USP25: variants seen among roughly 807,000 people sequenced by gnomAD.
The protein encoded by USP25 is ubiquitin carboxyl-terminal hydrolase 25.
Under a neutral mutation model 158.5 loss-of-function variants are expected in USP25, and 85 were observed. That is an observed-to-expected ratio of 0.54 (90% CI 0.45 to 0.64). USP25 has a LOEUF of 0.64. Among genes scored for constraint, USP25 ranks in the 30% least tolerant of loss-of-function variants. The probability of loss-of-function intolerance (pLI) is 0.00; values close to 1 mark genes in which losing one functional copy is unlikely to be tolerated. For missense variants in USP25, 1,242 were observed against 1,327.3 expected (o/e 0.94, Z 1.00); for synonymous variants, 464 against 460.4 (o/e 1.01, Z -0.10).
chr21:15,772,774 T>C (rs1288913075), intron 3 of USP25, among the ~76,000 whole-genome samples: 1 of 152,204 alleles, frequency 6.6e-6, no homozygotes, highest in Non-Finnish European at 1.5e-5. Context: ...GAAATAACAT[T>C]TTATTTTCTT....
chr21:15,845,854 C>G (rs1230484753), intron 18 of USP25, among the ~76,000 whole-genome samples: 1 of 151,784 alleles, frequency 6.6e-6, no homozygotes, highest in Admixed American at 6.6e-5. Context: ...TGTCATGGAC[C>G]AAGCACATCT....
intron 9 of USP25, among the ~76,000 whole-genome samples, chr21:15,811,756 A>C (rs1290132261): frequency 6.6e-6 from 1 of 152,208 alleles, no homozygotes; most frequent in Non-Finnish European, 1.5e-5. Context: ...AATTTGGCCT[A>C]AGTAGTTTCT....
At chr21:15,867,311 CT>C (rs2039699224) in intron 22 of USP25, among the ~76,000 whole-genome samples, 1 of 151,702 alleles carries the variant, frequency 6.6e-6, no homozygotes, top group South Asian at 2.1e-4. Flanking sequence ...AATTATGGTA[CT>C]TTAGATTCCC....
At chr21:15,753,899 T>C (rs778538405) in intron 1 of USP25, among the ~76,000 whole-genome samples, 1 of 151,654 alleles carries the variant, frequency 6.6e-6, no homozygotes, top group Non-Finnish European at 1.5e-5. Flanking sequence ...CAAAAAGTGA[T>C]AGGGGTTTGG....
At chr21:15,779,883 C>T (rs918186003) in intron 4 of USP25, among the ~76,000 whole-genome samples, 17 of 151,944 alleles carry the variant, frequency 1.1e-4, no homozygotes, top group Non-Finnish European at 2.4e-4. Flanking sequence ...TGTGTAAATT[C>T]AATAACCCGC....
intron 14 of USP25, 65 bp from the exon 15 acceptor site, chr21:15,830,466 A>T: frequency 7.2e-7 from 1 of 1,382,178 alleles, no homozygotes; most frequent in Non-Finnish European, 9.9e-7. Context: ...GAAAAACATT[A>T]GTCCTTATCT....
intron 20 of USP25, among the ~76,000 whole-genome samples, chr21:15,856,673 G>C (rs942209346): frequency 6.6e-6 from 1 of 151,942 alleles, no homozygotes; most frequent in Admixed American, 6.6e-5. Flanking sequence ...GGGTTTCACC[G>C]TGTTAGCCAG....
At chr21:15,743,516 G>A (rs1304733871) in intron 1 of USP25, among the ~76,000 whole-genome samples, 1 of 152,182 alleles carries the variant, frequency 6.6e-6, no homozygotes, top group Non-Finnish European at 1.5e-5. Context: ...TTGAGTCCAG[G>A]GTTTTTTTAG....
chr21:15,742,053 A>G (rs954261977), intron 1 of USP25, among the ~76,000 whole-genome samples: 8 of 152,026 alleles, frequency 5.3e-5, no homozygotes, highest in African/African-American at 1.9e-4. Flanking sequence ...CAGGGGTGGG[A>G]TGAACTGTGG....
intron 20 of USP25, among the ~76,000 whole-genome samples, chr21:15,854,167 G>A (rs1247508273): frequency 6.7e-6 from 1 of 148,622 alleles, no homozygotes; most frequent in Non-Finnish European, 1.5e-5. Context: ...TTTGTTTGAG[G>A]CAAAGTCTCA....
intron 20 of USP25, among the ~76,000 whole-genome samples, chr21:15,856,969 A>G (rs943353984): frequency 1.3e-5 from 2 of 152,152 alleles, no homozygotes; most frequent in Non-Finnish European, 2.9e-5. Flanking sequence ...TCCACCCACC[A>G]TAGAGGCTGA....
intron 1 of USP25, among the ~76,000 whole-genome samples, chr21:15,758,793 C>T (rs1038432079): frequency 6.6e-6 from 1 of 151,064 alleles, no homozygotes; most frequent in East Asian, 2.0e-4. Context: ...GGGAACTTTC[C>T]TTCACAAAAC....
chr21:15,755,230 T>TA (rs2123346228), intron 1 of USP25, among the ~76,000 whole-genome samples: 1 of 152,248 alleles, frequency 6.6e-6, no homozygotes, highest in Admixed American at 6.5e-5. Flanking sequence ...CCCCCCGCCT[T>TA]ACACCTATCC....
chr21:15,731,124 C>G (rs1053079686), intron 1 of USP25, among the ~76,000 whole-genome samples: 4 of 151,574 alleles, frequency 2.6e-5, no homozygotes, highest in African/African-American at 4.9e-5. Context: ...GTCACACATT[C>G]AAATGGTCAC....
intron 17 of USP25, among the ~76,000 whole-genome samples, chr21:15,841,932 C>T (rs1438763068): frequency 6.6e-6 from 1 of 152,084 alleles, no homozygotes; most frequent in African/African-American, 2.4e-5. Flanking sequence ...CACTCAGCTA[C>T]TGGGGCAAGT....
At position 15,826,945 on chromosome 21, in the gene USP25, G is replaced by T; in HGVS notation, c.1467-32G>T. 1 of 1,605,596 alleles carries T rather than the reference G, an allele frequency of 6.2e-7. No individual in the cohort carries two copies. Among genetic ancestry groups the T allele is most frequent in the Non-Finnish European group, 8.5e-7 (1 of 1,176,792 alleles). The stretch of plus-strand genomic sequence containing the variant: ...TTTGTCAAGAGTTTCAGCTTGAAAG[G>T]TTAATAAGAAATACTCTATGCTTTG... On this transcript the variant is annotated intron_variant, in intron 13 of 25. Transcript: ENST00000400183. This position sits in a 1 kb window ranked among gnomAD's most constrained non-coding sequence, Gnocchi z 4.8.
chr21:15,767,790 G>T (rs896898553), intron 3 of USP25, among the ~76,000 whole-genome samples: 1 of 152,060 alleles, frequency 6.6e-6, no homozygotes. Flanking sequence ...TCTTAATATA[G>T]ATGGTATACT....
intron 6 of USP25, among the ~76,000 whole-genome samples, chr21:15,802,670 T>C (rs549670399): frequency 1.3e-5 from 2 of 151,812 alleles, no homozygotes; most frequent in East Asian, 1.9e-4. Flanking sequence ...AGATATCTTA[T>C]AAGAGACATC....
rs146931317 is a variant in USP25 at position 15,754,537 on chromosome 21, T to G, written c.46-8354T>G. On this transcript the variant is annotated intron_variant, in intron 1 of 25. Coordinates refer to ENST00000400183, the MANE Select transcript of USP25 (RefSeq NM_001283041.3). ...TTACCTTGTGATTAACCATAGTGTA[T>G]TATTATAATTTGTGGTGAGTCTCAC... 3.7e-4 allele frequency among the ~76,000 whole-genome samples: 57 copies of G among 152,322 alleles called. No homozygotes were observed. The East Asian group carries it at 0.011, about 29-fold the overall frequency.
Sources: gnomAD v4.1 joint callset for allele counts (sites outside exome capture counted in the v4.1 genomes callset) on GRCh38, gnomAD v4.1.1 for gene constraint, Gnocchi (gnomAD v3.1) non-coding constraint, MANE v1.5 for transcripts, NCBI Gene and HGNC (gene_info 2026-07-23, HGNC 2026-07-21) for gene names.